ZGRF1: variants seen among roughly 807,000 people sequenced by gnomAD.
The protein encoded by ZGRF1 is zinc finger GRF-type containing 1.
ZGRF1 carries 196 observed loss-of-function variants against 203.5 expected under a neutral mutation model. That is an observed-to-expected ratio of 0.96 (90% CI 0.86 to 1.08). The LOEUF is 1.08. ZGRF1 is among the 50% of genes least tolerant of loss of function. ZGRF1 has a pLI of 0.00. For synonymous variants in ZGRF1, 809 were observed against 841.3 expected, an observed-to-expected ratio of 0.96 and a Z score of 0.66; for missense variants, 2,326 against 2,416.3, an observed-to-expected ratio of 0.96 and a Z score of 0.78.
chr4:112,568,800 G>T (rs932729120), intron 16 of ZGRF1, among the ~76,000 whole-genome samples: 2 of 151,142 alleles, frequency 1.3e-5, no homozygotes, highest in African/African-American at 4.9e-5. Flanking sequence ...CAGATTACAA[G>T]GTCAAGAGAT....
rs1746755411 is a variant in ZGRF1 at position 112,584,156 on chromosome 4, A to T, written c.4120T>A (p.Cys1374Ser). The T allele has an allele frequency of 1.9e-6, 3 of 1,604,126 alleles. No homozygotes were observed. The highest frequency in any genetic ancestry group is 2.5e-6 in the Non-Finnish European group (3 of 1,177,012). Residue 1374 changes from cysteine (C) to serine (S), a missense_variant, in exon 15 of 28, where the codon TGT becomes AGT. By Grantham distance (112) the Cys-to-Ser change is moderately radical. Transcript: ENST00000505019. ...GPNKGRLFYT[C>S]DGPKADRCKF... Reference sequence around the variant, plus strand: ...CATCGATCAGCTTTGGGTCCATCACATGTATAAAAGAGACGACCCTAAGGG... The same window carrying T: ...CATCGATCAGCTTTGGGTCCATCACTTGTATAAAAGAGACGACCCTAAGGG...
At chr4:112,541,611 C>A (rs1737631498) in intron 24 of ZGRF1, among the ~76,000 whole-genome samples, 1 of 151,548 alleles carries the variant, frequency 6.6e-6, no homozygotes, top group Non-Finnish European at 1.5e-5. Context: ...TCACTGCAAC[C>A]TCCACCTCCT....
chr4:112,603,577 T>C lies in ZGRF1; in HGVS notation c.2923A>G (p.Met975Val), dbSNP rs970640363. The change falls in exon 10 of 28, where the codon ATG (methionine) becomes GTG (valine). Residue 975 changes from methionine to valine, a missense_variant. Physicochemically the swap from Met to Val is conservative, Grantham distance 21. Coordinates refer to ENST00000505019, the MANE Select transcript of ZGRF1 (RefSeq NM_018392.5). Reference sequence around the variant, plus strand: ...CTAGGTAACTCTGGTGTCTCTGTCATAAAGTTTTCATACTCAGTGCTATCT... The same window carrying C: ...CTAGGTAACTCTGGTGTCTCTGTCACAAAGTTTTCATACTCAGTGCTATCT... ...FPDSTEYENF[M>V]TETPELPSTC... 2.5e-6 allele frequency: 4 copies of C among 1,613,756 alleles called. No homozygotes were observed. Among genetic ancestry groups the C allele is most frequent in the African/African-American group, 1.3e-5 (1 of 74,924 alleles).
intron 8 of ZGRF1, among the ~76,000 whole-genome samples, chr4:112,606,906 C>T (rs1560847147): frequency 6.6e-6 from 1 of 152,084 alleles, no homozygotes; most frequent in African/African-American, 2.4e-5. Context: ...CATAATTTTT[C>T]ATATGACTTG....
chr4:112,550,784 C>A (rs1015287332), intron 22 of ZGRF1, among the ~76,000 whole-genome samples: 5 of 152,246 alleles, frequency 3.3e-5, no homozygotes, highest in Admixed American at 3.3e-4. Flanking sequence ...ACCCAGGAAG[C>A]AGAGGTTGCA....
At chr4:112,548,221 A>G (rs2148835723) in intron 23 of ZGRF1, 32 bp downstream of exon 23, 1 of 1,550,028 alleles carries the variant, frequency 6.5e-7, no homozygotes, top group Non-Finnish European at 8.7e-7. Context: ...GATTACAGGT[A>G]TTACCCCTGG....
intron 24 of ZGRF1, chr4:112,547,012 A>G (rs1738926998): frequency 7.9e-6 from 2 of 253,998 alleles, no homozygotes; most frequent in Non-Finnish European, 1.5e-5. Context: ...CTAGGTAGAT[A>G]ATAGAGACAT....
chr4:112,581,634 G>T (rs2148994244), intron 16 of ZGRF1, 29 bp downstream of exon 16: 3 of 1,526,528 alleles, frequency 2.0e-6, no homozygotes, highest in East Asian at 5.0e-5. Flanking sequence ...AGGCTAGACT[G>T]AATCGCCAGT....
chr4:112,627,047 G>C (rs2047261958), intron 3 of ZGRF1, among the ~76,000 whole-genome samples: 2 of 152,148 alleles, frequency 1.3e-5, no homozygotes, highest in African/African-American at 4.8e-5. Flanking sequence ...CTGACCTCAA[G>C]TGATCTGCCC....
At chr4:112,557,038 C>T (rs1320874827) in intron 20 of ZGRF1, among the ~76,000 whole-genome samples, 2 of 152,114 alleles carry the variant, frequency 1.3e-5, no homozygotes, top group Admixed American at 1.3e-4. Flanking sequence ...TCTTTGCATT[C>T]CTCTTATTGA....
chr4:112,602,854 T>C (rs964871208), intron 10 of ZGRF1, among the ~76,000 whole-genome samples: 1 of 152,132 alleles, frequency 6.6e-6, no homozygotes, highest in African/African-American at 2.4e-5. Flanking sequence ...TGGTTATAAG[T>C]CAAGACAGTG....
chr4:112,619,211 ATGCTC>A lies in ZGRF1; in HGVS notation c.826_830del (p.Glu276PhefsTer15). ...TTCCTTGTGGTTGTTTTTGAGGAAA[ATGCTC>A]TGTCATCTCAGAATTTAGTTCCTCA... On this transcript the variant is annotated frameshift_variant, in exon 6 of 28. Coordinates refer to ENST00000505019, the MANE Select transcript of ZGRF1 (RefSeq NM_018392.5). LOFTEE classifies it high-confidence loss of function. 6.2e-7 allele frequency: 1 copy of A among 1,613,240 alleles called. No homozygotes were observed. The highest frequency in any genetic ancestry group is 8.5e-7 in the Non-Finnish European group (1 of 1,179,984).
chr4:112,590,143 T>G (rs1213835429), intron 10 of ZGRF1, among the ~76,000 whole-genome samples: 1 of 152,172 alleles, frequency 6.6e-6, no homozygotes, highest in Non-Finnish European at 1.5e-5. Context: ...GTCTGGGTTA[T>G]TAGGCTTTGG....
At position 112,586,497 on chromosome 4, in the gene ZGRF1, A is replaced by G. The variant is rs368404078; in HGVS notation, c.3864T>C (p.Ala1288=). ...YLPQRQIHIP[A]VFQSPAHYKQ... ...TATAATGAGCAGGAGACTGAAAAAC[A>G]GCTGGTATGTGAATTTGCCTTTGGG... The change falls in exon 13 of 28, where the codon GCT becomes GCC. Residue 1288 remains alanine (A), a synonymous_variant. Transcript: ENST00000505019. 99 of 1,613,212 alleles carry G rather than the reference A, an allele frequency of 6.1e-5. 1 individual carries two copies. In the African/African-American group the frequency reaches 9.9e-4, roughly 16 times the overall value.
chr4:112,601,586 A>C (rs1263409147), intron 10 of ZGRF1, among the ~76,000 whole-genome samples: 1 of 151,728 alleles, frequency 6.6e-6, no homozygotes, highest in Non-Finnish European at 1.5e-5. Context: ...AAAAAAAAAA[A>C]AATTAGCTGG....
At chr4:112,598,488 ATAAC>A (rs899358786) in intron 10 of ZGRF1, among the ~76,000 whole-genome samples, 12 of 78,534 alleles carry the variant, frequency 1.5e-4, no homozygotes, top group East Asian at 2.0e-3. Flanking sequence ...AAGTTATAAT[ATAAC>A]TTAATATTAT....
intron 3 of ZGRF1, among the ~76,000 whole-genome samples, chr4:112,630,316 A>C (rs1578500055): frequency 6.6e-6 from 1 of 152,042 alleles, no homozygotes; most frequent in Admixed American, 6.6e-5. Flanking sequence ...TCAGGAGTTC[A>C]AGACCAGCCT....
intron 1 of ZGRF1, among the ~76,000 whole-genome samples, chr4:112,636,053 AGT>A (rs1352742432): frequency 6.6e-6 from 1 of 152,216 alleles, no homozygotes; most frequent in Non-Finnish European, 1.5e-5. Context: ...TTCTTATCTT[AGT>A]ATTAATCAGA....
chr4:112,545,977 T>C, intron 24 of ZGRF1, among the ~76,000 whole-genome samples: 1 of 151,920 alleles, frequency 6.6e-6, no homozygotes, highest in Non-Finnish European at 1.5e-5. Context: ...AATGGGAAAT[T>C]ATTGCTTAAC....
Sources: gnomAD v4.1 joint callset for allele counts (sites outside exome capture counted in the v4.1 genomes callset) on GRCh38, gnomAD v4.1.1 for gene constraint, MANE v1.5 for transcripts, NCBI Gene and HGNC (gene_info 2026-07-23, HGNC 2026-07-21) for gene names.